The following PCCA variants were observed in gnomAD, a reference collection of about 807,000 sequenced individuals.
PCCA encodes the protein propionyl-CoA carboxylase alpha chain, mitochondrial.
In PCCA, 74 loss-of-function variants were observed where a neutral mutation model predicts 101.3. That is an observed-to-expected ratio of 0.73 (90% confidence interval 0.61 to 0.89). The LOEUF (loss-of-function observed/expected upper bound fraction) is 0.89. PCCA is among the 40% of genes least tolerant of loss of function. The pLI is 0.00. For missense variants in PCCA, 891 were observed against 907.0 expected, an observed-to-expected ratio of 0.98 and a Z score of 0.23; for synonymous variants, 294 against 313.6, an observed-to-expected ratio of 0.94 and a Z score of 0.66.
At chr13:100,121,406 CGCTG>C (rs2049378506) in intron 4 of PCCA, among the ~76,000 whole-genome samples, 1 of 151,446 alleles carries the variant, frequency 6.6e-6, no homozygotes, top group Non-Finnish European at 1.5e-5. Flanking sequence ...GTGATCCTCC[CGCTG>C]TGGCCTCCCA....
At chr13:100,425,025 G>T (rs1176427790) in intron 19 of PCCA, among the ~76,000 whole-genome samples, 1 of 151,454 alleles carries the variant, frequency 6.6e-6, no homozygotes, top group Non-Finnish European at 1.5e-5. Flanking sequence ...TTTCTTTTAC[G>T]AGTATCCCTG....
At chr13:100,256,817 AAAG>A (rs777745669) in intron 8 of PCCA, among the ~76,000 whole-genome samples, 5 of 152,352 alleles carry the variant, frequency 3.3e-5, no homozygotes, top group Non-Finnish European at 5.9e-5. Context: ...GAAAACATCT[AAAG>A]AAGGAGACTT....
intron 21 of PCCA, chr13:100,466,178 T>C (rs571282655): frequency 6.6e-6 from 1 of 152,404 alleles, no homozygotes; most frequent in East Asian, 1.9e-4. Flanking sequence ...GTCTTCAGTT[T>C]TGTAAAAGCC....
intron 16 of PCCA, among the ~76,000 whole-genome samples, chr13:100,315,541 T>G (rs902772711): frequency 6.6e-6 from 1 of 152,220 alleles, no homozygotes; most frequent in Non-Finnish European, 1.5e-5. Flanking sequence ...CTGTGCTGAT[T>G]GTGAACTTTT....
chr13:100,270,343 A>G (rs564167326), intron 11 of PCCA, among the ~76,000 whole-genome samples: 1 of 152,336 alleles, frequency 6.6e-6, no homozygotes, highest in East Asian at 1.9e-4. Flanking sequence ...GGAAGGGGAA[A>G]AAGGATACCT....
At position 100,209,373 on chromosome 13, in the gene PCCA, T is replaced by A; in HGVS notation, c.510T>A (p.Ala170=). ...TTTTCATTGGACCTGACACACATGC[T>A]ATTCAAGCCATGGGCGACAAGATTG... The part of the protein sequence containing the change: ...DVVFIGPDTH[A]IQAMGDKIES... The change falls in exon 7 of 24, where the codon GCT becomes GCA. Residue 170 remains alanine, a synonymous_variant. Transcript: ENST00000376285. The A allele has an allele frequency of 6.2e-7, 1 of 1,613,172 alleles. No homozygotes were observed. The highest frequency in any genetic ancestry group is 8.5e-7 in the Non-Finnish European group (1 of 1,179,112).
At chr13:100,089,423 T>A (rs1233650345) in intron 1 of PCCA, among the ~76,000 whole-genome samples, 198 bp downstream of exon 1, 2 of 152,250 alleles carry the variant, frequency 1.3e-5, no homozygotes, top group Non-Finnish European at 2.9e-5. Flanking sequence ...TCGTTGCAGC[T>A]GTTCCTCGCG....
chr13:100,136,430 C>T (rs1382335358), intron 4 of PCCA, among the ~76,000 whole-genome samples: 1 of 152,162 alleles, frequency 6.6e-6, no homozygotes, highest in East Asian at 1.9e-4. Context: ...AGGTGATCCA[C>T]CTGTCTTGGC....
intron 21 of PCCA, among the ~76,000 whole-genome samples, chr13:100,457,325 G>A (rs753376925): frequency 5.3e-5 from 8 of 151,698 alleles, no homozygotes; most frequent in Non-Finnish European, 8.8e-5. Flanking sequence ...TTCTGACTAT[G>A]AGCTATGAAT....
At chr13:100,247,913 A>G (rs892458540) in intron 8 of PCCA, among the ~76,000 whole-genome samples, 2 of 152,206 alleles carry the variant, frequency 1.3e-5, no homozygotes, top group Non-Finnish European at 2.9e-5. Context: ...TTTAGATAAT[A>G]GGTGTATTAC....
At chr13:100,408,792 T>C (rs1249355810) in intron 19 of PCCA, among the ~76,000 whole-genome samples, 1 of 151,906 alleles carries the variant, frequency 6.6e-6, no homozygotes, top group South Asian at 2.1e-4. Context: ...AGTTCCGGGG[T>C]GGGGGTCTGG....
chr13:100,470,012 C>T (rs2082874377), intron 21 of PCCA, among the ~76,000 whole-genome samples: 1 of 152,178 alleles, frequency 6.6e-6, no homozygotes, highest in Non-Finnish European at 1.5e-5. Flanking sequence ...AAGACCATCC[C>T]TCTGACAGAC....
rs148888036 is a variant in PCCA, at chr13:100,149,389, C to G, written c.301-5590C>G. ...TACATTCACATTGTTGTGCAGCCAT[C>G]ACTATAATCTATCTCCAGAACTCTC... is the stretch of plus-strand genomic sequence containing the variant. On this transcript the variant is annotated intron_variant, in intron 4 of 23. Coordinates refer to ENST00000376285, the MANE Select transcript of PCCA (RefSeq NM_000282.4). The G allele has an allele frequency of 2.0e-5, 3 of 152,144 alleles. No individual in the cohort carries two copies. The South Asian group carries it at 6.2e-4, about 32-fold the overall frequency. The allele number at this position is 152,144 out of a possible 1,614,324, so 9.4% of individuals were successfully genotyped here. A position where few individuals can be genotyped will look rare whatever the true frequency, so the allele number is the denominator to read the frequency against.
At chr13:100,121,741 T>G (rs2049422580) in intron 4 of PCCA, among the ~76,000 whole-genome samples, 1 of 152,200 alleles carries the variant, frequency 6.6e-6, no homozygotes, top group Non-Finnish European at 1.5e-5. Context: ...CCCAAAGTGC[T>G]GGGATTACAG....
At chr13:100,370,073 T>TC in intron 19 of PCCA, among the ~76,000 whole-genome samples, 3 of 127,840 alleles carry the variant, frequency 2.3e-5, no homozygotes, top group Non-Finnish European at 5.0e-5. Flanking sequence ...AGCTGTTACT[T>TC]CTTTTTTTTT....
intron 4 of PCCA, among the ~76,000 whole-genome samples, chr13:100,131,999 G>A (rs148607130): frequency 7.4e-4 from 113 of 152,216 alleles, no homozygotes; most frequent in Admixed American, 1.4e-3. Flanking sequence ...ACCTGAAGGG[G>A]GTGACAAGAG....
chr13:100,120,848 C>A (rs1332925065), intron 4 of PCCA, among the ~76,000 whole-genome samples: 1 of 152,040 alleles, frequency 6.6e-6, no homozygotes, highest in Non-Finnish European at 1.5e-5. Context: ...ATGTAACCAG[C>A]TGGGATTTTG....
intron 11 of PCCA, 43 bp from the exon 12 acceptor site, chr13:100,273,153 A>G: frequency 2.6e-6 from 4 of 1,536,350 alleles, no homozygotes; most frequent in Non-Finnish European, 3.6e-6. Flanking sequence ...AGATAACTTG[A>G]TTTTTGTCCG....
At chr13:100,416,536 GTA>G (rs1491078353) in intron 19 of PCCA, among the ~76,000 whole-genome samples, 16 of 149,230 alleles carry the variant, frequency 1.1e-4, no homozygotes, top group African/African-American at 3.5e-4. Flanking sequence ...GTGTGTGTGT[GTA>G]TGTATTTTTT....
Sources: gnomAD v4.1 joint callset for allele counts (sites outside exome capture counted in the v4.1 genomes callset) on GRCh38, gnomAD v4.1.1 for gene constraint, MANE v1.5 for transcripts, NCBI Gene and HGNC (gene_info 2026-07-23, HGNC 2026-07-21) for gene names.